AOPEP: variants seen among roughly 807,000 people sequenced by gnomAD.
The protein encoded by AOPEP is aminopeptidase O (putative).
A neutral mutation model predicts 98.1 loss-of-function variants in AOPEP; 77 were observed. The observed-to-expected ratio is 0.78, with a 90% CI of 0.65 to 0.95. AOPEP has a LOEUF of 0.95. AOPEP is among the 40% of genes least tolerant of loss of function. The pLI is 0.00. For synonymous variants in AOPEP, 346 were observed against 365.3 expected (o/e 0.95, Z 0.60); for missense variants, 1,024 against 1,024.7 (o/e 1.00, Z 0.01).
chr9:95,033,441 A>C (rs901985867), intron 13 of AOPEP, among the ~76,000 whole-genome samples: 8 of 152,062 alleles, frequency 5.3e-5, no homozygotes, highest in African/African-American at 1.7e-4. Context: ...GATAGGTGAT[A>C]TGATGAGCCA....
At chr9:95,017,850 A>G (rs2063136102) in intron 13 of AOPEP, among the ~76,000 whole-genome samples, 1 of 152,188 alleles carries the variant, frequency 6.6e-6, no homozygotes, top group South Asian at 2.1e-4. Flanking sequence ...TTTCTGGTTT[A>G]TAGTTTACCT....
the AOPEP span, chr9:95,126,747 A>C: frequency 3.0e-6 from 2 of 676,210 alleles, no homozygotes; most frequent in Non-Finnish European, 5.3e-6. Context: ...CGCCCCACAT[A>C]CAAGTGCATA....
At chr9:94,929,525 G>A (rs1014436213) in intron 7 of AOPEP, among the ~76,000 whole-genome samples, 11 of 152,288 alleles carry the variant, frequency 7.2e-5, no homozygotes, top group Non-Finnish European at 1.2e-4. Flanking sequence ...GCGCTTGCAC[G>A]CTAAGGCGGA....
At chr9:94,944,960 T>G (rs1290102970) in intron 7 of AOPEP, among the ~76,000 whole-genome samples, 1 of 152,136 alleles carries the variant, frequency 6.6e-6, no homozygotes, top group Non-Finnish European at 1.5e-5. Flanking sequence ...TTCTCTACTG[T>G]CTCATAATAC....
chr9:95,117,407 A>C, the AOPEP span: 1 of 1,609,406 alleles, frequency 6.2e-7, no homozygotes, highest in Non-Finnish European at 8.5e-7. Flanking sequence ...CAGGATGGAA[A>C]ATCCAAAGAG....
At chr9:95,054,626 T>C (rs912753853) in intron 13 of AOPEP, among the ~76,000 whole-genome samples, 6 of 152,234 alleles carry the variant, frequency 3.9e-5, no homozygotes, top group Admixed American at 3.9e-4. Context: ...TTAGGTTCTG[T>C]GGTGCCACTT....
the AOPEP span, chr9:95,111,114 C>T: frequency 1.3e-6 from 2 of 1,525,806 alleles, no homozygotes; most frequent in African/African-American, 1.4e-5. Context: ...TGCCGGCACA[C>T]CCCTCAGAAC....
intron 5 of AOPEP, among the ~76,000 whole-genome samples, chr9:94,854,100 T>C (rs2043893554): frequency 1.3e-5 from 2 of 152,192 alleles, no homozygotes; most frequent in Non-Finnish European, 2.9e-5. Context: ...AAAAGGTAAG[T>C]TGGGTCAGTG....
At chr9:94,940,099 C>T (rs2056833973) in intron 7 of AOPEP, among the ~76,000 whole-genome samples, 1 of 152,230 alleles carries the variant, frequency 6.6e-6, no homozygotes, top group South Asian at 2.1e-4. Flanking sequence ...AAAGGATACT[C>T]AAGCTTTACA....
intron 7 of AOPEP, among the ~76,000 whole-genome samples, chr9:94,939,864 A>C (rs1407463578): frequency 6.6e-6 from 1 of 152,206 alleles, no homozygotes; most frequent in East Asian, 1.9e-4. Flanking sequence ...GGGGTTCTAC[A>C]TCCCTGGAGT....
intron 3 of AOPEP, among the ~76,000 whole-genome samples, chr9:94,787,665 T>C (rs405110): frequency 0.22 from 33,197 of 152,148 alleles, 5,088 homozygotes; most frequent in African/African-American, 0.43. Context: ...AATAGTACCT[T>C]GGTACCAGAC....
At chr9:94,806,578 G>A (rs1849308803) in intron 5 of AOPEP, among the ~76,000 whole-genome samples, 1 of 152,100 alleles carries the variant, frequency 6.6e-6, no homozygotes, top group Admixed American at 6.5e-5. Flanking sequence ...TGCTTTCTTT[G>A]TGTTCACTTT....
intron 5 of AOPEP, among the ~76,000 whole-genome samples, chr9:94,826,788 G>T (rs143826851): frequency 6.6e-6 from 1 of 152,112 alleles, no homozygotes; most frequent in African/African-American, 2.4e-5. Flanking sequence ...AGTGGAGGTG[G>T]TGATGGCCAC....
the AOPEP span, among the ~76,000 whole-genome samples, chr9:95,124,103 CAAAAAAAAAAA>C: frequency 2.3e-5 from 1 of 43,542 alleles, no homozygotes; most frequent in Admixed American, 3.2e-4. Context: ...AACCTTGTCT[CAAAAAAAAAAA>C]AAAAAAAAAA....
At chr9:94,926,521 T>G (rs1239111626) in intron 6 of AOPEP, among the ~76,000 whole-genome samples, 2 of 152,152 alleles carry the variant, frequency 1.3e-5, no homozygotes, top group African/African-American at 4.8e-5. Flanking sequence ...GCACAAAGTT[T>G]GAAACATTTC....
chr9:94,956,057 G>A, intron 9 of AOPEP, 42 bp downstream of exon 9: 2 of 1,177,134 alleles, frequency 1.7e-6, no homozygotes, highest in Non-Finnish European at 2.5e-6. Flanking sequence ...TATGACTGGA[G>A]GGGGTATGGC....
the AOPEP span, among the ~76,000 whole-genome samples, chr9:95,137,793 G>A: frequency 6.6e-6 from 1 of 152,236 alleles, no homozygotes; most frequent in African/African-American, 2.4e-5. Context: ...GCTGCAGATG[G>A]CAGGAGGCAC....
chr9:94,853,861 G>A (rs1029234569), intron 5 of AOPEP, among the ~76,000 whole-genome samples: 5 of 152,122 alleles, frequency 3.3e-5, no homozygotes, highest in Non-Finnish European at 5.9e-5. Flanking sequence ...CATGGTACAC[G>A]CATGGAGAAG....
At position 95,014,303 on chromosome 9, in the gene AOPEP, G is replaced by GA. The variant is rs997841535; in HGVS notation, c.2115+8697dup. Among the ~76,000 whole-genome samples, 63 of 147,572 alleles carry GA rather than the reference G, an allele frequency of 4.3e-4. 1 individual carries two copies. The highest frequency in any genetic ancestry group is 2.9e-3 in the Admixed American group (42 of 14,724). Reference sequence around the variant, plus strand: ...GCAACATAGCGAGATCCCATCTCTAGAAAAAAAAAAGAACACAAAAATTAG... The same window carrying GA: ...GCAACATAGCGAGATCCCATCTCTAGAAAAAAAAAAAGAACACAAAAATTAG... On this transcript the variant is annotated intron_variant, in intron 13 of 16. Transcript: ENST00000375315.
Sources: gnomAD v4.1 joint callset for allele counts (sites outside exome capture counted in the v4.1 genomes callset) on GRCh38, gnomAD v4.1.1 for gene constraint, MANE v1.5 for transcripts, NCBI Gene and HGNC (gene_info 2026-07-23, HGNC 2026-07-21) for gene names.